AKT3: variants seen among roughly 807,000 people sequenced by gnomAD.
AKT3 encodes the protein RAC-gamma serine/threonine-protein kinase.
AKT3 carries 15 observed loss-of-function variants against 65.3 expected under a neutral mutation model. That is an observed-to-expected ratio of 0.23 (90% CI 0.15 to 0.35). AKT3 has a LOEUF of 0.35. Ranked by LOEUF, AKT3 falls within the 10% of genes least tolerant of loss-of-function variation. AKT3 has a pLI of 1.00. For synonymous variants in AKT3, 206 were observed against 183.8 expected, an observed-to-expected ratio of 1.12 and a Z score of -0.98; for missense variants, 243 against 576.5, an observed-to-expected ratio of 0.42 and a Z score of 5.92.
chr1:243,825,658 AAAC>A (rs1224880884), intron 2 of AKT3, among the ~76,000 whole-genome samples: 2 of 152,174 alleles, frequency 1.3e-5, no homozygotes, highest in Non-Finnish European at 2.9e-5. Flanking sequence ...TGTAACTTAA[AAAC>A]AACAATGAAA....
intron 5 of AKT3, among the ~76,000 whole-genome samples, chr1:243,639,915 C>T (rs536161890): frequency 5.9e-5 from 9 of 152,186 alleles, no homozygotes; most frequent in African/African-American, 1.9e-4. Flanking sequence ...AGGCTGAACC[C>T]CAATTTTTTG....
chr1:243,613,841 T>C, intron 7 of AKT3, 102 bp from the exon 8 acceptor site: 1 of 649,164 alleles, frequency 1.5e-6, no homozygotes, highest in Non-Finnish European at 2.4e-6. Flanking sequence ...GCATGAAAGA[T>C]GAAAAGAATT....
At chr1:243,650,482 A>G (rs557747344) in intron 4 of AKT3, among the ~76,000 whole-genome samples, 87 of 152,302 alleles carry the variant, frequency 5.7e-4, no homozygotes, top group African/African-American at 2.0e-3. Flanking sequence ...GTCTTTGCCC[A>G]TGCCTATGTC....
At chr1:243,742,154 T>C (rs996663196) in intron 2 of AKT3, among the ~76,000 whole-genome samples, 3 of 151,908 alleles carry the variant, frequency 2.0e-5, no homozygotes, top group East Asian at 1.9e-4. Flanking sequence ...TCCTTGGAAT[T>C]TGGTATCCAC....
downstream of AKT3, among the ~76,000 whole-genome samples, chr1:243,497,337 T>TTG (rs1259528981): frequency 2.8e-5 from 1 of 35,362 alleles, no homozygotes; most frequent in Non-Finnish European, 6.7e-5. Context: ...TAGGCACGGG[T>TTG]GGGGGGGGGG....
chr1:243,653,855 T>C (rs554201336), intron 4 of AKT3, among the ~76,000 whole-genome samples: 2 of 152,322 alleles, frequency 1.3e-5, no homozygotes, highest in East Asian at 3.9e-4. Flanking sequence ...AATACGGCAA[T>C]CCATTCTTCT....
chr1:243,625,783 T>C (rs1317866562), intron 6 of AKT3, among the ~76,000 whole-genome samples: 5 of 152,310 alleles, frequency 3.3e-5, no homozygotes, highest in South Asian at 2.1e-4. Flanking sequence ...TGATTCTGAA[T>C]GTTGCAGAAT....
intron 2 of AKT3, among the ~76,000 whole-genome samples, chr1:243,819,811 G>C (rs1693747745): frequency 6.6e-6 from 1 of 152,220 alleles, no homozygotes; most frequent in African/African-American, 2.4e-5. Flanking sequence ...CATCTTTGCT[G>C]TTCTGCAGCC....
chr1:243,652,116 T>G (rs2147869621), intron 4 of AKT3, among the ~76,000 whole-genome samples: 1 of 152,022 alleles, frequency 6.6e-6, no homozygotes, highest in African/African-American at 2.4e-5. Flanking sequence ...TAGTGCAATC[T>G]TGGCTCACTG....
chr1:243,776,536 C>T (rs1690560152), intron 2 of AKT3, among the ~76,000 whole-genome samples: 1 of 152,158 alleles, frequency 6.6e-6, no homozygotes, highest in African/African-American at 2.4e-5. Flanking sequence ...CTCACCAGAA[C>T]CCCATCATGC....
chr1:243,648,162 A>T (rs1024018710), intron 4 of AKT3, among the ~76,000 whole-genome samples: 5 of 151,920 alleles, frequency 3.3e-5, no homozygotes, highest in African/African-American at 1.2e-4. Context: ...GGAGACTGAG[A>T]CATGAGAATC....
At chr1:243,511,062 A>C (rs1222422983) in intron 13 of AKT3, among the ~76,000 whole-genome samples, 1 of 152,250 alleles carries the variant, frequency 6.6e-6, no homozygotes, top group East Asian at 1.9e-4. Context: ...TAGTGATTCT[A>C]AAATTCTAGC....
chr1:243,585,563 TAG>T (rs771124282), intron 8 of AKT3, among the ~76,000 whole-genome samples: 3 of 151,950 alleles, frequency 2.0e-5, no homozygotes, highest in Non-Finnish European at 4.4e-5. Flanking sequence ...TGGAACATAA[TAG>T]AGAGCCCAGA....
chr1:243,513,905 T>G (rs1670182629), intron 12 of AKT3, among the ~76,000 whole-genome samples: 1 of 152,164 alleles, frequency 6.6e-6, no homozygotes, highest in Non-Finnish European at 1.5e-5. Flanking sequence ...ACTCCACTGC[T>G]AGAAACCCTC....
At chr1:243,511,208 C>G (rs1214907446) in intron 13 of AKT3, among the ~76,000 whole-genome samples, 1 of 152,240 alleles carries the variant, frequency 6.6e-6, no homozygotes, top group Non-Finnish European at 1.5e-5. Flanking sequence ...CTATGGCTGA[C>G]CCAACTTCAG....
intron 6 of AKT3, among the ~76,000 whole-genome samples, chr1:243,635,709 T>C (rs1382022527): frequency 6.6e-6 from 1 of 151,876 alleles, no homozygotes; most frequent in East Asian, 1.9e-4. Flanking sequence ...ATGGAAAAAA[T>C]AGCAACTTTA....
chr1:243,696,586 C>T (rs1020996014), intron 2 of AKT3, among the ~76,000 whole-genome samples: 1 of 151,960 alleles, frequency 6.6e-6, no homozygotes, highest in South Asian at 2.1e-4. Context: ...CTGATTAAAT[C>T]TCAAATGCTT....
chr1:243,641,813 G>A (rs1222998095), intron 5 of AKT3, among the ~76,000 whole-genome samples: 1 of 152,116 alleles, frequency 6.6e-6, no homozygotes, highest in Non-Finnish European at 1.5e-5. Flanking sequence ...GCAGGTGTCT[G>A]TAGTCCCAGC....
intron 12 of AKT3, among the ~76,000 whole-genome samples, chr1:243,519,274 G>A (rs898317926): frequency 3.9e-5 from 6 of 152,158 alleles, no homozygotes; most frequent in African/African-American, 1.4e-4. Context: ...TCCACTTGAT[G>A]GGTGCCAAAA....
Sources: gnomAD v4.1 joint callset for allele counts (sites outside exome capture counted in the v4.1 genomes callset) on GRCh38, gnomAD v4.1.1 for gene constraint, MANE v1.5 for transcripts, NCBI Gene and HGNC (gene_info 2026-07-23, HGNC 2026-07-21) for gene names.